The following JAK1 variants were observed in gnomAD, a reference collection of about 807,000 sequenced individuals.
JAK1 encodes Janus kinase 1, also known as tyrosine-protein kinase JAK1.
In JAK1, 16 loss-of-function variants were observed where a neutral mutation model predicts 136.6. The ratio of observed to expected loss-of-function variants is 0.12; its 90% confidence interval spans 0.08 to 0.18. The LOEUF is 0.18. JAK1 is among the 10% of genes least tolerant of loss of function. The probability of loss-of-function intolerance (pLI) is 1.00; values close to 1 mark genes in which losing one functional copy is unlikely to be tolerated. For synonymous variants in JAK1, 492 were observed against 519.5 expected (o/e 0.95, Z 0.72); for missense variants, 859 against 1,450.1 (o/e 0.59, Z 6.62).
chr1:64,941,454 T>C (rs1038959088), intron 1 of JAK1, among the ~76,000 whole-genome samples: 2 of 152,034 alleles, frequency 1.3e-5, no homozygotes, highest in Non-Finnish European at 2.9e-5. Context: ...AAATGAAAAA[T>C]AAAACAAAGA....
intron 14 of JAK1, 24 bp downstream of exon 14, chr1:64,846,625 C>T (rs1023082837): frequency 4.4e-6 from 7 of 1,591,902 alleles, no homozygotes; most frequent in Non-Finnish European, 6.0e-6. Context: ...GGCCACCCAC[C>T]CCTTTGAAAG....
chr1:65,058,845 G>A (rs1469447409), intron 1 of JAK1, among the ~76,000 whole-genome samples: 2 of 152,074 alleles, frequency 1.3e-5, no homozygotes, highest in Admixed American at 6.6e-5. Context: ...TTCACTGACT[G>A]TGCCTCCCTG....
intron 1 of JAK1, among the ~76,000 whole-genome samples, chr1:65,060,809 G>GTTTATAAATTTA (rs1647759895): frequency 6.6e-6 from 1 of 152,086 alleles, no homozygotes; most frequent in Admixed American, 6.5e-5. Flanking sequence ...TTATAAACGT[G>GTTTATAAATTTA]CATTTTTGAA....
intron 2 of JAK1, among the ~76,000 whole-genome samples, chr1:65,035,147 T>C (rs995903772): frequency 6.6e-6 from 1 of 152,184 alleles, no homozygotes; most frequent in Non-Finnish European, 1.5e-5. Flanking sequence ...CAGGATTTTC[T>C]CGAGGTAAAG....
chr1:64,903,756 A>G (rs750968470), intron 1 of JAK1, among the ~76,000 whole-genome samples: 6 of 152,208 alleles, frequency 3.9e-5, no homozygotes, highest in Admixed American at 2.6e-4. Context: ...TGCTGCAGTG[A>G]CTATTACTGA....
intron 1 of JAK1, among the ~76,000 whole-genome samples, chr1:64,956,044 T>C (rs1449287960): frequency 6.6e-6 from 1 of 152,238 alleles, no homozygotes; most frequent in Non-Finnish European, 1.5e-5. Context: ...AATGTCAGTG[T>C]CCATACATAA....
intron 1 of JAK1, among the ~76,000 whole-genome samples, chr1:64,946,057 T>G (rs1645980215): frequency 6.6e-6 from 1 of 152,136 alleles, no homozygotes; most frequent in African/African-American, 2.4e-5. Context: ...TTCTGAACCA[T>G]GTCAATACAG....
chr1:64,851,539 TGGAGA>T (rs1228294292), intron 11 of JAK1, among the ~76,000 whole-genome samples: 1 of 152,208 alleles, frequency 6.6e-6, no homozygotes, highest in Admixed American at 6.5e-5. Flanking sequence ...GTGCCTGACA[TGGAGA>T]GGCGCTTACC....
At chr1:65,046,666 G>T (rs1458230255) in intron 1 of JAK1, among the ~76,000 whole-genome samples, 1 of 151,866 alleles carries the variant, frequency 6.6e-6, no homozygotes, top group Non-Finnish European at 1.5e-5. Context: ...AAGGGGGTAG[G>T]TAGGCTGGTT....
intron 8 of JAK1, among the ~76,000 whole-genome samples, chr1:64,861,783 G>A (rs544458711): frequency 7.2e-5 from 11 of 152,218 alleles, no homozygotes; most frequent in Admixed American, 5.2e-4. Flanking sequence ...GAGAGGGCAG[G>A]GTCACCATAG....
chr1:64,887,992 A>T (rs567870645), intron 1 of JAK1, among the ~76,000 whole-genome samples: 3 of 152,270 alleles, frequency 2.0e-5, no homozygotes, highest in African/African-American at 7.2e-5. Flanking sequence ...GCATACCGTT[A>T]CCAGCTGCCA....
At chr1:64,876,822 A>C (rs12135754) in intron 4 of JAK1, among the ~76,000 whole-genome samples, 8,432 of 152,316 alleles carry the variant, frequency 0.055, 297 homozygotes, top group Non-Finnish European at 0.084. Flanking sequence ...GGAGAAAGAA[A>C]AAAAAGACAA....
intron 2 of JAK1, among the ~76,000 whole-genome samples, chr1:65,030,878 G>A (rs1365054289): frequency 6.6e-6 from 1 of 152,102 alleles, no homozygotes; most frequent in Non-Finnish European, 1.5e-5. Flanking sequence ...ACGGTGGCCA[G>A]TGCAGTGGCT....
chr1:65,018,966 G>A (rs1421920428), intron 2 of JAK1, among the ~76,000 whole-genome samples: 6 of 152,098 alleles, frequency 3.9e-5, no homozygotes, highest in Non-Finnish European at 8.8e-5. Flanking sequence ...AGCCAAGATC[G>A]CGCCACTGCC....
chr1:64,985,016 A>G (rs370743856), intron 2 of JAK1: 1 of 860,520 alleles, frequency 1.2e-6, no homozygotes, highest in Admixed American at 1.7e-5. Context: ...AGCTTATCCC[A>G]TTACACTCAT....
At chr1:64,985,595 C>T in intron 2 of JAK1, 1 of 977,866 alleles carries the variant, frequency 1.0e-6, no homozygotes, top group Non-Finnish European at 1.6e-6. Flanking sequence ...TCTGGGCCAC[C>T]AGAATTCCAA....
At chr1:65,053,634 T>C (rs368692650) in intron 1 of JAK1, among the ~76,000 whole-genome samples, 8 of 152,282 alleles carry the variant, frequency 5.3e-5, no homozygotes, top group African/African-American at 1.9e-4. Context: ...GAGGATTGCT[T>C]GAGCCCAGGA....
chr1:65,007,821 C>T (rs1428406878), intron 2 of JAK1, among the ~76,000 whole-genome samples: 1 of 151,840 alleles, frequency 6.6e-6, no homozygotes, highest in Non-Finnish European at 1.5e-5. Flanking sequence ...TCTTGGCTCA[C>T]TGCAACCTCC....
chr1:65,058,068 C>T (rs565172710), intron 1 of JAK1, among the ~76,000 whole-genome samples: 25 of 152,002 alleles, frequency 1.6e-4, no homozygotes, highest in Admixed American at 2.0e-4. Flanking sequence ...ATTTTGAAAT[C>T]TAGTAGTGTA....
Sources: gnomAD v4.1 joint callset for allele counts (sites outside exome capture counted in the v4.1 genomes callset) on GRCh38, gnomAD v4.1.1 for gene constraint, MANE v1.5 for transcripts, NCBI Gene and HGNC (gene_info 2026-07-23, HGNC 2026-07-21) for gene names.